The following GRHPR variants were observed in gnomAD, a reference collection of about 807,000 sequenced individuals.
The protein encoded by GRHPR is glyoxylate reductase/hydroxypyruvate reductase.
GRHPR carries 35 observed loss-of-function variants against 36.8 expected under a neutral mutation model. That is an observed-to-expected ratio of 0.95 (90% confidence interval 0.73 to 1.26). The LOEUF (loss-of-function observed/expected upper bound fraction) is 1.26. Ranked by LOEUF, GRHPR falls within the 50% of genes most tolerant of loss-of-function variation. The pLI is 0.00. For synonymous variants in GRHPR, 179 were observed against 181.0 expected (o/e 0.99, Z 0.09); for missense variants, 380 against 435.0 (o/e 0.87, Z 1.12).
chr9:37,431,219 G>T (rs1823351532), intron 7 of GRHPR: 1 of 355,162 alleles, frequency 2.8e-6, no homozygotes, highest in African/African-American at 2.1e-5. Context: ...GTTTACATCA[G>T]TTTAGGGGAA....
At chr9:37,435,507 C>T (rs1380256501) in intron 8 of GRHPR, among the ~76,000 whole-genome samples, 1 of 152,124 alleles carries the variant, frequency 6.6e-6, no homozygotes, top group Non-Finnish European at 1.5e-5. Context: ...GGTCCATGTT[C>T]ATGCTGGCTC....
chr9:37,428,559 G>C lies in GRHPR; in HGVS notation c.480G>C (p.Gly160=). 6.2e-7 allele frequency: 1 copy of C among 1,608,700 alleles called. No homozygotes were observed. The highest frequency in any genetic ancestry group is 1.7e-4 in the Middle Eastern group (1 of 6,054). ...CGCAGAGCACTGTCGGCATCATCGG[G>C]CTGGGGCGCATAGGTGAGGCTCCCA... ...GLTQSTVGII[G]LGRIGQAIAR... is the part of the protein sequence containing the mutation. The change falls in exon 5 of 9, where the codon GGG becomes GGC. Residue 160 remains glycine (G), a synonymous_variant. Coordinates refer to ENST00000318158, the MANE Select transcript of GRHPR (RefSeq NM_012203.2).
At chr9:37,436,588 C>T in intron 8 of GRHPR, 73 bp from the exon 9 acceptor site, 2 of 1,557,526 alleles carry the variant, frequency 1.3e-6, no homozygotes, top group South Asian at 2.2e-5. Context: ...AAACCCAAGC[C>T]ATGAAAACAG....
chr9:37,434,018 G>T, intron 8 of GRHPR: 1 of 379,392 alleles, frequency 2.6e-6, no homozygotes, highest in South Asian at 1.4e-4. Context: ...CCACAGCCAG[G>T]AAAACTGCCC....
chr9:37,436,716 G>T lies in GRHPR; in HGVS notation c.921G>T (p.Leu307Phe), dbSNP rs531886256. 2 of 1,614,018 alleles carry T rather than the reference G, an allele frequency of 1.2e-6. No homozygotes were observed. The highest frequency in any genetic ancestry group is 1.3e-5 in the African/African-American group (1 of 75,000). The change falls in exon 9 of 9, where the codon TTG (leucine) becomes TTT (phenylalanine). Residue 307 changes from leucine (L) to phenylalanine (F), a missense_variant. By Grantham distance (22) the Leu-to-Phe change is conservative (BLOSUM62 0). Coordinates refer to ENST00000318158, the MANE Select transcript of GRHPR (RefSeq NM_012203.2). ...ACAGAACCCGCAACACCATGTCCTT[G>T]TTGGCAGCTAACAACTTGCTGGCTG... The part of the protein sequence containing the change: ...ATHRTRNTMS[L>F]LAANNLLAGL...
chr9:37,434,579 C>A, intron 8 of GRHPR: 2 of 269,016 alleles, frequency 7.4e-6, no homozygotes, highest in South Asian at 1.4e-4. Context: ...GAGGAGGGGT[C>A]AAGTTAATGA....
intron 1 of GRHPR, among the ~76,000 whole-genome samples, chr9:37,424,298 T>C (rs1307050502): frequency 6.6e-6 from 1 of 152,250 alleles, no homozygotes; most frequent in Non-Finnish European, 1.5e-5. Flanking sequence ...GCTCCACACG[T>C]GCTGACTGTA....
chr9:37,424,953 C>T lies in GRHPR; in HGVS notation c.192C>T (p.Asp64=), dbSNP rs543901638. 5.0e-6 allele frequency: 8 copies of T among 1,612,562 alleles called. No individual in the cohort carries two copies. In the South Asian group the frequency reaches 7.7e-5, roughly 15 times the overall value. The part of the protein sequence containing the change: ...GLLCLLSDHV[D]KRILDAAGAN... ...TCTGCCTCCTCTCCGACCACGTGGA[C>T]AAGAGGATCCTGGATGCTGCAGGTG... Residue 64 remains aspartate, a synonymous_variant, in exon 2 of 9, where the codon GAC becomes GAT. Coordinates refer to ENST00000318158, the MANE Select transcript of GRHPR (RefSeq NM_012203.2).
chr9:37,422,719 C>G lies in GRHPR; in HGVS notation c.-32C>G, dbSNP rs1301382770. ...CTACATTCCCGGGCCAGCTTCTGTACTGCCAGGTCCGGGTCGGCGGCTGCA... is the reference window on the plus strand; with the variant it reads ...CTACATTCCCGGGCCAGCTTCTGTAGTGCCAGGTCCGGGTCGGCGGCTGCA... On this transcript the variant is annotated 5_prime_UTR_variant, in exon 1 of 9. Transcript: ENST00000318158. 14 of 1,519,628 alleles carry G rather than the reference C, an allele frequency of 9.2e-6. No homozygotes were observed. The Admixed American group carries it at 2.5e-4, about 27-fold the overall frequency. The allele number at this position is 1,519,628 out of a possible 1,614,324, so 94.1% of individuals were successfully genotyped here. A position where few individuals can be genotyped will look rare whatever the true frequency, so the allele number is the denominator to read the frequency against.
rs1823673055 is a variant in GRHPR, at chr9:37,436,660, G to T, written c.866-1G>T. The T allele has an allele frequency of 6.2e-7, 1 of 1,613,792 alleles. No individual in the cohort carries two copies. The highest frequency in any genetic ancestry group is 8.5e-7 in the Non-Finnish European group (1 of 1,179,940). On this transcript the variant is annotated splice_acceptor_variant, in intron 8 of 8. Transcript: ENST00000318158. LOFTEE classifies it high-confidence loss of function. ...CCTCTCTCTCTCTCTCTCCTTTCCA[G>T]TGATTCTGCCCCACATTGGCAGTGC...
At chr9:37,433,471 T>G (rs904594758) in intron 8 of GRHPR, among the ~76,000 whole-genome samples, 1 of 152,104 alleles carries the variant, frequency 6.6e-6, no homozygotes, top group African/African-American at 2.4e-5. Flanking sequence ...TGACCTCAGA[T>G]GGTCCACCTG....
At chr9:37,425,301 C>T (rs1588750778) in intron 2 of GRHPR, among the ~76,000 whole-genome samples, 2 of 152,246 alleles carry the variant, frequency 1.3e-5, no homozygotes, top group African/African-American at 4.8e-5. Flanking sequence ...CCCTTCTGGG[C>T]GTGTGCGTAG....
intron 8 of GRHPR, chr9:37,433,969 G>C: frequency 7.9e-6 from 3 of 381,526 alleles, no homozygotes; most frequent in African/African-American, 2.1e-5. Context: ...CCCCACCCCA[G>C]CCTGCAAGGA....
intron 2 of GRHPR, among the ~76,000 whole-genome samples, chr9:37,425,340 G>A (rs893617632): frequency 6.6e-6 from 1 of 152,248 alleles, no homozygotes; most frequent in Non-Finnish European, 1.5e-5. Context: ...TCAGTGCCAA[G>A]CCCCAGCAGG....
upstream of GRHPR, chr9:37,422,664 C>A (rs538140012): frequency 2.3e-4 from 247 of 1,078,542 alleles, 2 homozygotes; most frequent in East Asian, 5.4e-3. Flanking sequence ...TCTCTCCCGC[C>A]CACTCCAGCC....
chr9:37,433,487 G>T (rs1281870140), intron 8 of GRHPR, among the ~76,000 whole-genome samples: 2 of 152,118 alleles, frequency 1.3e-5, no homozygotes, highest in African/African-American at 4.8e-5. Flanking sequence ...ACCTGCCTCT[G>T]CCTCCCAAAG....
intron 8 of GRHPR, chr9:37,434,430 T>C (rs1199418049): frequency 1.7e-6 from 1 of 585,866 alleles, no homozygotes; most frequent in African/African-American, 1.9e-5. Context: ...TCAGACTGTG[T>C]AGACCAATTG....
In GRHPR at chr9:37,424,827, G is replaced by A; in HGVS notation, c.84-18G>A. 1 of 1,611,834 alleles carries A rather than the reference G, an allele frequency of 6.2e-7. No homozygotes were observed. ...TGTGCGGCTCCTGCTTCTCCTGAGG[G>A]CCTCCCTTTCCCCGCAGCTGTGAGG... On this transcript the variant is annotated intron_variant, in intron 1 of 8. Transcript: ENST00000318158.
intron 5 of GRHPR, 118 bp from the exon 6 acceptor site, chr9:37,429,614 C>T: frequency 1.3e-6 from 1 of 786,518 alleles, no homozygotes; most frequent in Non-Finnish European, 2.3e-6. Context: ...CAGGAGCAGG[C>T]AACTCGGGCT....
Sources: gnomAD v4.1 joint callset for allele counts (sites outside exome capture counted in the v4.1 genomes callset) on GRCh38, gnomAD v4.1.1 for gene constraint, MANE v1.5 for transcripts, NCBI Gene and HGNC (gene_info 2026-07-23, HGNC 2026-07-21) for gene names.